The following VIRMA variants were observed in gnomAD, a reference collection of about 807,000 sequenced individuals.
VIRMA encodes the protein vir like m6A methyltransferase associated, also known as protein virilizer homolog.
In VIRMA, 65 loss-of-function variants were observed where a neutral mutation model predicts 182.4. The observed-to-expected ratio is 0.36, with a 90% CI of 0.29 to 0.44. VIRMA has a LOEUF of 0.44. VIRMA is among the 20% of genes least tolerant of loss of function. The pLI, the probability that VIRMA is intolerant of heterozygous loss-of-function variation, is 1.00. For synonymous variants in VIRMA, 709 were observed against 743.1 expected, an observed-to-expected ratio of 0.95 and a Z score of 0.75; for missense variants, 1,752 against 2,158.1, an observed-to-expected ratio of 0.81 and a Z score of 3.73.
In VIRMA at chr8:94,511,425, T is replaced by C. The variant is rs753582430; in HGVS notation, c.3150A>G (p.Ser1050=). ...LHMLLCSIPL[S]GRLDSDEQKI... is the part of the protein sequence containing the mutation. ...TCTGTTCATCACTATCCAAACGACC[T>C]GAGAGGGGGATAGAGCACAGGAGCA... Residue 1050 remains serine, a synonymous_variant, in exon 13 of 24, where the codon TCA becomes TCG. Transcript: ENST00000297591. The C allele has an allele frequency of 6.2e-6, 10 of 1,613,984 alleles. No homozygotes were observed. Among genetic ancestry groups the C allele is most frequent in the Middle Eastern group, 1.6e-4 (1 of 6,082 alleles).
chr8:94,511,683 A>G lies in VIRMA; in HGVS notation c.2892T>C (p.Phe964=), dbSNP rs1814381509. 2 of 1,613,870 alleles carry G rather than the reference A, an allele frequency of 1.2e-6. No individual in the cohort carries two copies. The highest frequency in any genetic ancestry group is 2.7e-5 in the African/African-American group (2 of 74,934). Residue 964 remains phenylalanine, a synonymous_variant, in exon 13 of 24, where the codon TTT becomes TTC. Coordinates refer to ENST00000297591, the MANE Select transcript of VIRMA (RefSeq NM_015496.5). ...LKWNLAVIQL[F]SAEGMDTFIR... ...TAAACGTGTCCATTCCTTCAGCAGA[A>G]AAAAGCTGAATAACGGCAAGATTCC... is the stretch of plus-strand genomic sequence containing the variant.
rs1026488485 is a variant in VIRMA at position 94,489,354 on chromosome 8, AT to A, written c.5285-495del. Among the ~76,000 whole-genome samples the A allele has an allele frequency of 5.3e-5, 8 of 152,354 alleles. 1 individual carries two copies. The highest frequency in any genetic ancestry group is 2.6e-4 in the Admixed American group (4 of 15,312). The stretch of plus-strand genomic sequence containing the variant: ...AAACAGTTCAGAAACTAAAAATTTG[AT>A]TATTTTTACAGAAGATGTATATTGG... On this transcript the variant is annotated intron_variant, in intron 23 of 23. Coordinates refer to ENST00000297591, the MANE Select transcript of VIRMA (RefSeq NM_015496.5).
intron 19 of VIRMA, 53 bp from the exon 20 acceptor site, chr8:94,495,009 A>ATTT: frequency 1.2e-4 from 124 of 1,049,476 alleles, no homozygotes; most frequent in Middle Eastern, 4.3e-4. Flanking sequence ...TCAAATTTCA[A>ATTT]TTTTTTTTTT....
chr8:94,489,856 C>A, intron 23 of VIRMA, 83 bp downstream of exon 23: 1 of 1,445,140 alleles, frequency 6.9e-7, no homozygotes, highest in South Asian at 1.3e-5. Context: ...CACCCCTAGC[C>A]CCCTCTGTAT....
chr8:94,526,126 T>C (rs546014593), intron 8 of VIRMA, 97 bp downstream of exon 8: 2 of 879,118 alleles, frequency 2.3e-6, no homozygotes, highest in East Asian at 2.5e-5. Context: ...TACACATAAA[T>C]AAGTTACCTA....
chr8:94,545,132 G>A (rs912271792), intron 1 of VIRMA, among the ~76,000 whole-genome samples: 8 of 151,604 alleles, frequency 5.3e-5, no homozygotes, highest in Non-Finnish European at 1.2e-4. Context: ...CTCCATCCTG[G>A]GGAAAAAAGA....
In VIRMA at chr8:94,526,332, T is replaced by C. The variant is rs753985770; in HGVS notation, c.1912A>G (p.Met638Val). 34 of 1,614,090 alleles carry C rather than the reference T, an allele frequency of 2.1e-5. No homozygotes were observed. The highest frequency in any genetic ancestry group is 2.4e-5 in the Non-Finnish European group (28 of 1,179,940). ...ATCATTGTATGAGGGGCAGTTTCCA[T>C]TAAATGAAAAACTTCTTCTAGGAGG... ...INLLEEVFHL[M>V]ETAPHTMIQQ... The change falls in exon 8 of 24, where the codon ATG becomes GTG. Residue 638 changes from methionine to valine, a missense_variant. Physicochemically the swap from Met to Val is conservative, Grantham distance 21. Around this residue, in one of 11 missense-constraint regions of VIRMA, gnomAD observed 401 missense variants for 455.1 expected, o/e 0.88. Transcript: ENST00000297591.
In VIRMA at chr8:94,501,020, T is replaced by G. The variant is rs1586068736; in HGVS notation, c.4098-1514A>C. On this transcript the variant is annotated intron_variant, in intron 16 of 23. Transcript: ENST00000297591. ...CAGCACTTTGGGAGGCCGAGGCAGG[T>G]GGATCACGAAGTCAGGAGTTCGAGA... is the stretch of plus-strand genomic sequence containing the variant. Among the ~76,000 whole-genome samples the G allele has an allele frequency of 2.6e-5, 4 of 151,618 alleles. No homozygotes were observed. The South Asian group carries it at 8.3e-4, about 32-fold the overall frequency.
At position 94,510,606 on chromosome 8, in the gene VIRMA, A is replaced by C. The variant is rs1814331905; in HGVS notation, c.3437T>G (p.Leu1146Trp). 1.2e-6 allele frequency: 2 copies of C among 1,614,010 alleles called. No individual in the cohort carries two copies. The highest frequency in any genetic ancestry group is 1.3e-5 in the African/African-American group (1 of 74,920). Residue 1146 changes from leucine (L) to tryptophan (W), a missense_variant, in exon 14 of 24, where the codon TTG (leucine) becomes TGG (tryptophan). By Grantham distance (61) the Leu-to-Trp change is moderately conservative. Coordinates refer to ENST00000297591, the MANE Select transcript of VIRMA (RefSeq NM_015496.5). ...DISVALNTRK[L>W]WSMHLHVQAK... ...TTGAACATGAAGGTGCATGCTCCAC[A>C]ATTTTCGGGTGTTGAGTGCCACTGA... is the stretch of plus-strand genomic sequence containing the variant.
At chr8:94,510,732 G>T in intron 13 of VIRMA, 80 bp from the exon 14 acceptor site, 1 of 1,044,876 alleles carries the variant, frequency 9.6e-7, no homozygotes, top group Non-Finnish European at 1.4e-6. Flanking sequence ...AGGAAGAAAT[G>T]TTATGAAAAG....
chr8:94,504,583 A>G (rs1199829527), intron 16 of VIRMA, among the ~76,000 whole-genome samples: 4 of 152,108 alleles, frequency 2.6e-5, no homozygotes, highest in African/African-American at 9.7e-5. Flanking sequence ...TTTAAGTTTT[A>G]AAAGATTACT....
intron 20 of VIRMA, among the ~76,000 whole-genome samples, chr8:94,494,637 A>C (rs2130261485): frequency 6.7e-6 from 1 of 150,268 alleles, no homozygotes; most frequent in African/African-American, 2.4e-5. Context: ...CAAAAAAGTC[A>C]CAACCTCAAA....
chr8:94,496,962 G>A (rs1373241914), intron 17 of VIRMA: 2 of 152,376 alleles, frequency 1.3e-5, no homozygotes, highest in African/African-American at 2.4e-5. Context: ...GAATTCTGGA[G>A]TGATAACATT....
chr8:94,495,559 A>T (rs928425372), intron 19 of VIRMA, among the ~76,000 whole-genome samples, 172 bp downstream of exon 19: 2 of 87,854 alleles, frequency 2.3e-5, no homozygotes, highest in Non-Finnish European at 5.4e-5. Flanking sequence ...GTATAAATTA[A>T]AAAAAAAAAA....
intron 17 of VIRMA, 96 bp downstream of exon 17, chr8:94,499,278 G>T: frequency 1.2e-6 from 1 of 853,726 alleles, no homozygotes; most frequent in Non-Finnish European, 1.7e-6. Flanking sequence ...TGAGATTACA[G>T]ATGTGAGCCA....
intron 8 of VIRMA, among the ~76,000 whole-genome samples, chr8:94,523,231 T>G (rs1032531844): frequency 6.6e-6 from 1 of 152,208 alleles, no homozygotes; most frequent in Non-Finnish European, 1.5e-5. Flanking sequence ...CCAGGAATTG[T>G]TATTGTTTAC....
At chr8:94,511,803 G>C (rs117220636) in intron 12 of VIRMA, 74 bp from the exon 13 acceptor site, 2 of 837,132 alleles carry the variant, frequency 2.4e-6, no homozygotes, top group Non-Finnish European at 3.3e-6. Context: ...TTATTAAAGT[G>C]AATATTTAAT....
At chr8:94,542,480 A>G (rs1815591336) in intron 2 of VIRMA, among the ~76,000 whole-genome samples, 1 of 152,240 alleles carries the variant, frequency 6.6e-6, no homozygotes, top group South Asian at 2.1e-4. Flanking sequence ...CCTGACCCTC[A>G]GAAACAATGT....
At chr8:94,499,979 G>T (rs542227704) in intron 16 of VIRMA, among the ~76,000 whole-genome samples, 2 of 151,134 alleles carry the variant, frequency 1.3e-5, no homozygotes, top group Non-Finnish European at 2.9e-5. Flanking sequence ...TAAACGATTG[G>T]GAGGCAGAGG....
Sources: gnomAD v4.1 joint callset for allele counts (sites outside exome capture counted in the v4.1 genomes callset) on GRCh38, gnomAD v4.1.1 for gene constraint, gnomAD v4.1.1 regional missense constraint, MANE v1.5 for transcripts, NCBI Gene and HGNC (gene_info 2026-07-23, HGNC 2026-07-21) for gene names.